Variants in KIF26B observed in about 807,000 individuals in gnomAD.
The protein encoded by KIF26B is kinesin-like protein KIF26B.
KIF26B carries 63 observed loss-of-function variants against 151.2 expected under a neutral mutation model. That is an observed-to-expected ratio of 0.42 (90% confidence interval 0.34 to 0.51). The LOEUF (loss-of-function observed/expected upper bound fraction) is 0.51, where lower values mean the gene tolerates loss of function less well. Ranked by LOEUF, KIF26B falls within the 20% of genes least tolerant of loss-of-function variation. The pLI, the probability that KIF26B is intolerant of heterozygous loss-of-function variation, is 0.07. For missense variants in KIF26B, 2,813 were observed against 2,913.6 expected (o/e 0.97, Z 0.79); for synonymous variants, 1,357 against 1,262.1 (o/e 1.08, Z -1.59).
chr1:245,193,329 T>G (rs1669141239), intron 2 of KIF26B, among the ~76,000 whole-genome samples: 1 of 152,230 alleles, frequency 6.6e-6, no homozygotes, highest in Non-Finnish European at 1.5e-5. Flanking sequence ...TGAATAGTGC[T>G]GCAGTGAACA....
intron 3 of KIF26B, among the ~76,000 whole-genome samples, chr1:245,414,355 C>T (rs1385584958): frequency 6.6e-6 from 1 of 152,200 alleles, no homozygotes; most frequent in Non-Finnish European, 1.5e-5. Context: ...AGGTCAACTC[C>T]TCAAGTCCCT....
intron 4 of KIF26B, among the ~76,000 whole-genome samples, chr1:245,460,284 GTTTTGTTTTTGT>G (rs929117185): frequency 2.6e-5 from 4 of 151,920 alleles, no homozygotes; most frequent in Admixed American, 1.3e-4. Flanking sequence ...TGTTTTTTTT[GTTTTGTTTTTGT>G]TTTTGTTTTT....
intron 5 of KIF26B, among the ~76,000 whole-genome samples, chr1:245,590,569 C>T (rs562206155): frequency 2.2e-4 from 34 of 152,096 alleles, no homozygotes; most frequent in African/African-American, 8.0e-4. Flanking sequence ...GGCAGAAGAG[C>T]GTGGTGGAAG....
Position 245,304,691 on chromosome 1 carries a change from G to GTCCGTCCATCCATCCA in KIF26B, c.466-62140_466-62139insGTCCATCCATCCATCC, listed in dbSNP as rs1553342830. 2.7e-3 allele frequency among the ~76,000 whole-genome samples: 366 copies of GTCCGTCCATCCATCCA among 136,066 alleles called. 5 individuals carry two copies. In the East Asian group the frequency reaches 0.044, roughly 16 times the overall value. 89.3% of individuals were successfully genotyped at this position (136,066 alleles called of 152,430 possible). A position where few individuals can be genotyped will look rare whatever the true frequency, so the allele number is the denominator to read the frequency against. ...TGTCTGCCTGTCCATCCATCCATAC[G>GTCCGTCCATCCATCCA]TCCATCCCTCCATCCATCCATCCAT... On this transcript the variant is annotated intron_variant, in intron 2 of 14. Transcript: ENST00000407071.
intron 14 of KIF26B, among the ~76,000 whole-genome samples, chr1:245,700,941 TCTCC>T (rs2044762510): frequency 6.6e-6 from 1 of 152,194 alleles, no homozygotes. Flanking sequence ...GTCAGTTCTC[TCTCC>T]TTCATTTTTG....
At chr1:245,229,509 C>T (rs938664274) in intron 2 of KIF26B, among the ~76,000 whole-genome samples, 7 of 152,302 alleles carry the variant, frequency 4.6e-5, no homozygotes, top group East Asian at 1.9e-4. Context: ...AGCAGAGCTA[C>T]GCACTACAGC....
intron 4 of KIF26B, among the ~76,000 whole-genome samples, chr1:245,515,120 T>G (rs1328772284): frequency 6.6e-6 from 1 of 152,124 alleles, no homozygotes; most frequent in African/African-American, 2.4e-5. Context: ...CTTAAGAAAA[T>G]GATCACCCCC....
chr1:245,242,594 A>T (rs1018131052), intron 2 of KIF26B, among the ~76,000 whole-genome samples: 1 of 152,202 alleles, frequency 6.6e-6, no homozygotes, highest in Non-Finnish European at 1.5e-5. Context: ...TCAAGTTGAC[A>T]CATGTATAGT....
chr1:245,416,110 T>C (rs865800909), intron 3 of KIF26B, among the ~76,000 whole-genome samples: 127 of 44,530 alleles, frequency 2.9e-3, no homozygotes, highest in African/African-American at 0.015. Context: ...CTAGTAAAAA[T>C]ACAAAAAAAA....
intron 4 of KIF26B, among the ~76,000 whole-genome samples, chr1:245,508,193 T>C (rs1324498693): frequency 6.6e-6 from 1 of 152,178 alleles, no homozygotes; most frequent in African/African-American, 2.4e-5. Flanking sequence ...ACCATTCCAT[T>C]CATTCATTCA....
intron 4 of KIF26B, among the ~76,000 whole-genome samples, chr1:245,521,896 T>A (rs532116857): frequency 6.7e-6 from 1 of 148,430 alleles, no homozygotes; most frequent in East Asian, 1.9e-4. Flanking sequence ...GATGGAGTCT[T>A]GCTCTGTCAC....
In KIF26B at chr1:245,230,464, C is replaced by T. The variant is rs61832176; in HGVS notation, c.465+73781C>T. Among the ~76,000 whole-genome samples, 501 of 152,192 alleles carry T rather than the reference C, an allele frequency of 3.3e-3. 2 individuals are homozygous for T. The highest frequency in any genetic ancestry group is 5.7e-3 in the Non-Finnish European group (386 of 68,004). ...AAATTTGCTATAAAAAGAAAACTGC[C>T]GGGCGTGGTGGCTCACGCCTGTAAT... On this transcript the variant is annotated intron_variant, in intron 2 of 14. Transcript: ENST00000407071.
intron 5 of KIF26B, among the ~76,000 whole-genome samples, chr1:245,551,525 C>T (rs1471198387): frequency 6.6e-6 from 1 of 152,110 alleles, no homozygotes; most frequent in Non-Finnish European, 1.5e-5. Context: ...TTGGCCTTTC[C>T]CCTACCTTGT....
intron 5 of KIF26B, among the ~76,000 whole-genome samples, chr1:245,598,249 C>T (rs571754772): frequency 7.9e-4 from 121 of 152,248 alleles, no homozygotes; most frequent in African/African-American, 2.8e-3. Flanking sequence ...AGAGGGCCTT[C>T]ATTGTGGGTA....
chr1:245,507,670 GC>G lies in KIF26B; in HGVS notation c.1167-33093del, dbSNP rs1295761898. On this transcript the variant is annotated intron_variant, in intron 4 of 14. Coordinates refer to ENST00000407071, the MANE Select transcript of KIF26B (RefSeq NM_018012.4). ...CACATCTCCATGTCCCCTCCACATG[GC>G]CCCAGGATTGCTGGTGAACATGAGA... Among the ~76,000 whole-genome samples the G allele has an allele frequency of 2.0e-5, 3 of 152,262 alleles. No individual in the cohort carries two copies. In the East Asian group the frequency reaches 5.8e-4, roughly 29 times the overall value.
intron 2 of KIF26B, among the ~76,000 whole-genome samples, chr1:245,305,843 C>T (rs1439427225): frequency 7.2e-6 from 1 of 139,392 alleles, no homozygotes; most frequent in African/African-American, 2.7e-5. Flanking sequence ...GAGACTGAGG[C>T]AGAAGAATGG....
chr1:245,643,602 A>G (rs1468755657), intron 9 of KIF26B, among the ~76,000 whole-genome samples: 1 of 152,212 alleles, frequency 6.6e-6, no homozygotes, highest in Non-Finnish European at 1.5e-5. Flanking sequence ...TCTTTTAAAG[A>G]GATTTAAAGT....
chr1:245,542,322 T>C (rs7555414), intron 5 of KIF26B, among the ~76,000 whole-genome samples: 69,945 of 152,244 alleles, frequency 0.46, 16,488 homozygotes, highest in South Asian at 0.56. Flanking sequence ...CACTGCACTC[T>C]AGCCTGGGCC....
intron 4 of KIF26B, among the ~76,000 whole-genome samples, chr1:245,473,932 T>A (rs1232842241): frequency 6.6e-6 from 1 of 151,828 alleles, no homozygotes; most frequent in East Asian, 1.9e-4. Flanking sequence ...CATGTGATAA[T>A]TTAATACGTT....
Sources: gnomAD v4.1 joint callset for allele counts (sites outside exome capture counted in the v4.1 genomes callset) on GRCh38, gnomAD v4.1.1 for gene constraint, MANE v1.5 for transcripts, NCBI Gene and HGNC (gene_info 2026-07-23, HGNC 2026-07-21) for gene names.